Variants in ANK1 observed in about 807,000 individuals in gnomAD.
ANK1 encodes the protein ankyrin 1.
Under a neutral mutation model 210.4 loss-of-function variants are expected in ANK1, and 51 were observed. The ratio of observed to expected loss-of-function variants is 0.24; its 90% CI spans 0.19 to 0.31. The LOEUF (loss-of-function observed/expected upper bound fraction) is 0.31, where lower values mean the gene tolerates loss of function less well. Among genes scored for constraint, ANK1 ranks in the 10% least tolerant of loss-of-function variants. The pLI is 1.00. For missense variants in ANK1, 2,051 were observed against 2,504.4 expected (o/e 0.82, Z 3.86); for synonymous variants, 967 against 1,025.9 (o/e 0.94, Z 1.10).
intron 1 of ANK1, among the ~76,000 whole-genome samples, chr8:41,885,329 C>A (rs991897272): frequency 6.6e-5 from 10 of 152,196 alleles, no homozygotes; most frequent in African/African-American, 2.4e-4. Flanking sequence ...CAGCTGTAGT[C>A]CAGGTGTCCT....
chr8:41,676,171 A>T (rs1475994473), intron 37 of ANK1, among the ~76,000 whole-genome samples: 2 of 152,216 alleles, frequency 1.3e-5, no homozygotes, highest in Non-Finnish European at 2.9e-5. Flanking sequence ...GTCAGAAATG[A>T]TCAAGTGGTT....
upstream of ANK1, among the ~76,000 whole-genome samples, chr8:41,800,772 C>G (rs1470942465): frequency 1.3e-5 from 2 of 152,312 alleles, no homozygotes; most frequent in African/African-American, 4.8e-5. Flanking sequence ...TGTCACCAGG[C>G]TGGAGTGCAG....
At chr8:41,719,533 G>T in intron 10 of ANK1, 128 bp downstream of exon 10, 1 of 1,244,538 alleles carries the variant, frequency 8.0e-7, no homozygotes. Context: ...ACACCCCACT[G>T]CTCAGGCCTC....
Position 41,689,154 on chromosome 8 carries a change from G to A in ANK1, c.4105-565C>T, listed in dbSNP as rs375519426. Among the ~76,000 whole-genome samples, 7 of 152,186 alleles carry A rather than the reference G, an allele frequency of 4.6e-5. No individual in the cohort carries two copies. The East Asian group carries it at 1.3e-3, about 29-fold the overall frequency. On this transcript the variant is annotated intron_variant, in intron 33 of 42. Transcript: ENST00000289734. Reference sequence around the variant, plus strand: ...TTTTTAAGAGCCAGGGTCTCACTCTGTCTCTGAAGCTGGAGTGCAGTGCGA... The same window carrying A: ...TTTTTAAGAGCCAGGGTCTCACTCTATCTCTGAAGCTGGAGTGCAGTGCGA...
At chr8:41,844,127 C>T (rs1478866368) in intron 1 of ANK1, among the ~76,000 whole-genome samples, 1 of 152,258 alleles carries the variant, frequency 6.6e-6, no homozygotes, top group Non-Finnish European at 1.5e-5. Flanking sequence ...CCCACCTCGG[C>T]TTCCCAAAGT....
chr8:41,815,087 A>T (rs542908876), intron 1 of ANK1, among the ~76,000 whole-genome samples: 2 of 152,322 alleles, frequency 1.3e-5, no homozygotes, highest in South Asian at 4.1e-4. Flanking sequence ...ACATTTGATT[A>T]AATAGGATCA....
At chr8:41,688,634 C>A (rs1442498649) in intron 33 of ANK1, 45 bp from the exon 34 acceptor site, 1 of 1,561,078 alleles carries the variant, frequency 6.4e-7, no homozygotes, top group Non-Finnish European at 8.8e-7. Flanking sequence ...CTCTCCCCAC[C>A]TTCCCAGAGA....
chr8:41,822,132 GAGAAAGAAAGAAAGAAAGAA>G (rs71239083), intron 1 of ANK1, among the ~76,000 whole-genome samples: 177 of 41,044 alleles, frequency 4.3e-3, no homozygotes, highest in Non-Finnish European at 4.8e-3. Context: ...GAGAAAGAAA[GAGAAAGAAAGAAAGAAAGAA>G]AGAAAGAAAG....
chr8:41,785,948 C>G (rs562437742), intron 1 of ANK1, among the ~76,000 whole-genome samples: 1 of 152,210 alleles, frequency 6.6e-6, no homozygotes, highest in Admixed American at 6.5e-5. Context: ...CGGTACTCTC[C>G]GCCTGGGAAC....
chr8:41,876,877 G>A (rs567667710), intron 1 of ANK1, among the ~76,000 whole-genome samples: 2 of 152,230 alleles, frequency 1.3e-5, no homozygotes, highest in South Asian at 2.1e-4. Flanking sequence ...GAATTTGTTC[G>A]TTTTAATAAA....
chr8:41,772,969 G>C (rs889270242), intron 1 of ANK1, among the ~76,000 whole-genome samples: 3 of 152,162 alleles, frequency 2.0e-5, no homozygotes, highest in Admixed American at 1.3e-4. Flanking sequence ...GAGCATCGCT[G>C]TTGGGGAAAT....
chr8:41,690,666 CT>C, intron 31 of ANK1, 67 bp from the exon 32 acceptor site: 4 of 1,575,740 alleles, frequency 2.5e-6, no homozygotes, highest in Non-Finnish European at 3.5e-6. Flanking sequence ...CTCCTTCCAC[CT>C]TCGGTCCTTC....
At chr8:41,851,203 T>C (rs1220473282) in intron 1 of ANK1, among the ~76,000 whole-genome samples, 1 of 152,246 alleles carries the variant, frequency 6.6e-6, no homozygotes, top group Admixed American at 6.5e-5. Flanking sequence ...TGGCACAGCA[T>C]GGACATCAGC....
chr8:41,867,583 C>T (rs1380725460), intron 1 of ANK1, among the ~76,000 whole-genome samples: 2 of 152,118 alleles, frequency 1.3e-5, no homozygotes, highest in Non-Finnish European at 2.9e-5. Context: ...CCATGCCATT[C>T]CCTCTGCCCA....
intron 2 of ANK1, among the ~76,000 whole-genome samples, chr8:41,747,683 T>C (rs1836531755): frequency 6.6e-6 from 1 of 152,162 alleles, no homozygotes; most frequent in Admixed American, 6.5e-5. Flanking sequence ...AGATCATGTC[T>C]AGTCTTCATA....
chr8:41,748,903 C>T lies in ANK1; in HGVS notation c.129+9133G>A, dbSNP rs189739008. Among the ~76,000 whole-genome samples the T allele has an allele frequency of 7.3e-3, 1,117 of 152,096 alleles. 13 individuals carry two copies. Among genetic ancestry groups the T allele is most frequent in the African/African-American group, 0.026 (1,070 of 41,480 alleles). ...ACAAAAAATTAGCCGGGCGTGGTGG[C>T]GGGCACCTGTAGTCCCAGCTACTTG... On this transcript the variant is annotated intron_variant, in intron 2 of 42. Coordinates refer to ENST00000289734, the MANE Select transcript of ANK1 (RefSeq NM_000037.4).
intron 1 of ANK1, among the ~76,000 whole-genome samples, chr8:41,858,583 C>G (rs1402298290): frequency 6.6e-6 from 1 of 152,174 alleles, no homozygotes; most frequent in African/African-American, 2.4e-5. Flanking sequence ...GACGTGAGCA[C>G]AGCCGCAGGG....
intron 16 of ANK1, among the ~76,000 whole-genome samples, chr8:41,710,567 G>C (rs909648976): frequency 6.6e-6 from 1 of 152,198 alleles, no homozygotes; most frequent in Non-Finnish European, 1.5e-5. Context: ...CTAGTCCAGG[G>C]ATCACACTTT....
intron 31 of ANK1, 23 bp downstream of exon 31, chr8:41,692,625 G>A (rs749451462): frequency 1.2e-5 from 20 of 1,601,766 alleles, no homozygotes; most frequent in Middle Eastern, 2.0e-4. Flanking sequence ...TCCCAGAGGC[G>A]GTGCAGGGCC....
Sources: allele counts gnomAD v4.1 joint callset (sites outside exome capture counted in the v4.1 genomes callset), GRCh38; gene constraint gnomAD v4.1.1; transcripts MANE v1.5; gene names NCBI Gene and HGNC (gene_info 2026-07-23, HGNC 2026-07-21).